The following GNB4 variants were observed in gnomAD, a reference collection of about 807,000 sequenced individuals.
GNB4 encodes the protein guanine nucleotide-binding protein subunit beta-4.
Under a neutral mutation model 45.2 loss-of-function variants are expected in GNB4, and 28 were observed. That is an observed-to-expected ratio of 0.62 (90% CI 0.46 to 0.85). GNB4 has a LOEUF of 0.85. Ranked by LOEUF, GNB4 falls within the 40% of genes least tolerant of loss-of-function variation. The pLI is 0.00. For missense variants in GNB4, 321 were observed against 425.4 expected, an observed-to-expected ratio of 0.75 and a Z score of 2.16; for synonymous variants, 132 against 143.7, an observed-to-expected ratio of 0.92 and a Z score of 0.58.
At chr3:179,442,473 A>G (rs189301101) in intron 1 of GNB4, among the ~76,000 whole-genome samples, 1 of 152,328 alleles carries the variant, frequency 6.6e-6, no homozygotes, top group Admixed American at 6.5e-5. Flanking sequence ...TGAACTAAAC[A>G]TTAGAAACAT....
chr3:179,434,326 T>C (rs567929667), intron 1 of GNB4, among the ~76,000 whole-genome samples: 59 of 152,114 alleles, frequency 3.9e-4, no homozygotes, highest in African/African-American at 1.4e-3. Flanking sequence ...AAAATAATAT[T>C]GGGAGGAAAA....
chr3:179,480,976 C>G, the GNB4 span, among the ~76,000 whole-genome samples: 109,674 of 151,074 alleles, frequency 0.73, 40,061 homozygotes, highest in East Asian at 0.98. Context: ...TCAGCCTCCC[C>G]AGTAGCTGGG....
chr3:179,430,071 G>C (rs543533207), intron 1 of GNB4, among the ~76,000 whole-genome samples: 189 of 142,356 alleles, frequency 1.3e-3, no homozygotes, highest in Middle Eastern at 7.1e-3. Flanking sequence ...GACTGAGAGA[G>C]AGACAGACAG....
chr3:179,496,684 G>A, the GNB4 span, among the ~76,000 whole-genome samples: 1 of 151,902 alleles, frequency 6.6e-6, no homozygotes, highest in African/African-American at 2.4e-5. Flanking sequence ...AGAGAGCAGG[G>A]GTAGCTATAC....
At chr3:179,464,700 A>C in the GNB4 span, 1 of 1,060,670 alleles carries the variant, frequency 9.4e-7, no homozygotes, top group African/African-American at 1.6e-5. Flanking sequence ...TTTAATCAGC[A>C]AACTGAATAA....
chr3:179,527,241 T>C, the GNB4 span, among the ~76,000 whole-genome samples: 1 of 152,074 alleles, frequency 6.6e-6, no homozygotes, highest in Admixed American at 6.6e-5. Flanking sequence ...CTCTCTCAAT[T>C]TGAAGCCAGA....
chr3:179,487,643 T>C, the GNB4 span, among the ~76,000 whole-genome samples: 1 of 152,238 alleles, frequency 6.6e-6, no homozygotes, highest in Non-Finnish European at 1.5e-5. Flanking sequence ...CATGCACTCC[T>C]ATACTTAAAA....
rs1163941728 is a variant in GNB4 at position 179,397,061 on chromosome 3, A to G, written c.*4152T>C. 3 of 152,218 alleles carry G rather than the reference A, an allele frequency of 2.0e-5. No individual in the cohort carries two copies. Among genetic ancestry groups the G allele is most frequent in the African/African-American group, 7.2e-5 (3 of 41,462 alleles). The allele number at this position is 152,218 out of a possible 1,614,324, so 9.4% of individuals were successfully genotyped here. A position where few individuals can be genotyped will look rare whatever the true frequency, so the allele number is the denominator to read the frequency against. On this transcript the variant is annotated 3_prime_UTR_variant, in exon 10 of 10. Transcript: ENST00000232564. The stretch of plus-strand genomic sequence containing the variant: ...GCAAAAAGGAAAGAATTTGAACATA[A>G]TATTTAATTTTTAAAAAAATTCAGC...
chr3:179,501,551 C>G, the GNB4 span, among the ~76,000 whole-genome samples: 1 of 151,512 alleles, frequency 6.6e-6, no homozygotes, highest in Non-Finnish European at 1.5e-5. Context: ...TCTTGAACTC[C>G]TGACCTTAAG....
intron 1 of GNB4, among the ~76,000 whole-genome samples, chr3:179,438,341 G>A (rs551717707): frequency 1.3e-5 from 2 of 152,316 alleles, no homozygotes; most frequent in African/African-American, 4.8e-5. Flanking sequence ...ACTACTTACA[G>A]TGTGACCCCG....
chr3:179,502,701 C>A, the GNB4 span, among the ~76,000 whole-genome samples: 2 of 151,844 alleles, frequency 1.3e-5, no homozygotes, highest in South Asian at 2.1e-4. Flanking sequence ...GATATTTAAG[C>A]CTTTGGAAAA....
the GNB4 span, among the ~76,000 whole-genome samples, chr3:179,495,625 AGGAGGCAG>A: frequency 1.3e-5 from 2 of 150,640 alleles, no homozygotes; most frequent in Non-Finnish European, 3.0e-5. Context: ...AAAGAAAGAA[AGGAGGCAG>A]GGAGGCAGGG....
chr3:179,472,719 T>C, the GNB4 span, among the ~76,000 whole-genome samples: 1 of 152,172 alleles, frequency 6.6e-6, no homozygotes, highest in South Asian at 2.1e-4. Flanking sequence ...CACCAAAATA[T>C]ATAGTTGGTA....
At chr3:179,489,009 A>ATATATATATATAT in the GNB4 span, among the ~76,000 whole-genome samples, 1 of 37,368 alleles carries the variant, frequency 2.7e-5, no homozygotes, top group African/African-American at 1.2e-4. Flanking sequence ...AAAAAAAAAA[A>ATATATATATATAT]AAAAAAAAAA....
chr3:179,484,832 A>ATGTG, the GNB4 span, among the ~76,000 whole-genome samples: 1 of 91,516 alleles, frequency 1.1e-5, no homozygotes, highest in African/African-American at 4.9e-5. Context: ...ATATAGCTAT[A>ATGTG]TATATGTGTG....
chr3:179,426,120 C>G (rs773691187), intron 2 of GNB4, 24 bp downstream of exon 2: 1 of 1,591,012 alleles, frequency 6.3e-7, no homozygotes, highest in Admixed American at 1.8e-5. Flanking sequence ...TAAGTGCTAA[C>G]ATTTTGAAAT....
chr3:179,498,744 G>GCTTGTTT, the GNB4 span, among the ~76,000 whole-genome samples: 11 of 80,336 alleles, frequency 1.4e-4, 2 homozygotes, highest in African/African-American at 1.6e-4. Flanking sequence ...GTTGGTTGAG[G>GCTTGTTT]TTTGGTTTTT....
intron 2 of GNB4, among the ~76,000 whole-genome samples, chr3:179,421,713 T>C (rs1249861500): frequency 6.6e-6 from 1 of 152,250 alleles, no homozygotes; most frequent in Non-Finnish European, 1.5e-5. Flanking sequence ...AAACACTGGA[T>C]GGCAGACATG....
chr3:179,471,742 T>C, the GNB4 span, among the ~76,000 whole-genome samples: 1 of 152,232 alleles, frequency 6.6e-6, no homozygotes, highest in African/African-American at 2.4e-5. Context: ...GTGAGTAGTA[T>C]TCCTCTCATA....
Sources: allele counts gnomAD v4.1 joint callset (sites outside exome capture counted in the v4.1 genomes callset), GRCh38; gene constraint gnomAD v4.1.1; transcripts MANE v1.5; gene names NCBI Gene and HGNC (gene_info 2026-07-23, HGNC 2026-07-21).